The following GASK1A variants were observed in gnomAD, a reference collection of about 807,000 sequenced individuals.
The protein encoded by GASK1A is golgi associated kinase 1A, also known as Golgi-associated kinase 1A.
Under a neutral mutation model 41.2 loss-of-function variants are expected in GASK1A, and 40 were observed. The observed-to-expected ratio is 0.97, with a 90% confidence interval of 0.75 to 1.27. The LOEUF (loss-of-function observed/expected upper bound fraction) is 1.27. Ranked by LOEUF, GASK1A falls within the 50% of genes most tolerant of loss-of-function variation. The pLI is 0.00. For synonymous variants in GASK1A, 316 were observed against 307.1 expected, an observed-to-expected ratio of 1.03 and a Z score of -0.30; for missense variants, 678 against 745.1, an observed-to-expected ratio of 0.91 and a Z score of 1.05.
chr3:43,021,851 GA>G (rs2089524047), intron 1 of GASK1A, among the ~76,000 whole-genome samples: 1 of 152,224 alleles, frequency 6.6e-6, no homozygotes, highest in Non-Finnish European at 1.5e-5. Context: ...ACTGTGGGTG[GA>G]TGGGACTGTT....
intron 2 of GASK1A, chr3:43,036,981 T>A: frequency 2.8e-6 from 1 of 350,932 alleles, no homozygotes; most frequent in South Asian, 7.3e-5. Context: ...TTTAAGCCAC[T>A]GAGTTCATGG....
At chr3:43,040,949 C>T (rs1255058895) in intron 2 of GASK1A, among the ~76,000 whole-genome samples, 1 of 149,588 alleles carries the variant, frequency 6.7e-6, no homozygotes, top group Non-Finnish European at 1.5e-5. Flanking sequence ...TGTTCAATTC[C>T]CACCTATGAG....
At chr3:43,027,565 G>C (rs1443841744) in intron 1 of GASK1A, among the ~76,000 whole-genome samples, 1 of 152,112 alleles carries the variant, frequency 6.6e-6, no homozygotes, top group South Asian at 2.1e-4. Flanking sequence ...TAGAGGAAAG[G>C]GAGGGCAAGG....
intron 1 of GASK1A, among the ~76,000 whole-genome samples, chr3:43,021,815 CCT>C (rs2089523868): frequency 1.3e-5 from 2 of 152,326 alleles, no homozygotes; most frequent in East Asian, 1.9e-4. Context: ...TAGCTACCCC[CCT>C]GTTTTCACTG....
At position 43,040,003 on chromosome 3, in the gene GASK1A, A is replaced by T. The variant is rs111987297; in HGVS notation, c.1290+6450A>T. 1.3e-3 allele frequency among the ~76,000 whole-genome samples: 196 copies of T among 152,274 alleles called. 1 individual carries two copies. The highest frequency in any genetic ancestry group is 4.5e-3 in the African/African-American group (185 of 41,562). ...TAAGCTTTGTTTATAGTCTTTTTGCAGTGCAGAAAGTTTTAAAAATGTACA... is the reference window on the plus strand; with the variant it reads ...TAAGCTTTGTTTATAGTCTTTTTGCTGTGCAGAAAGTTTTAAAAATGTACA... On this transcript the variant is annotated intron_variant, in intron 2 of 4. Transcript: ENST00000430121.
intron 1 of GASK1A, among the ~76,000 whole-genome samples, chr3:43,026,647 G>A (rs139758669): frequency 9.9e-5 from 15 of 151,940 alleles, no homozygotes; most frequent in Non-Finnish European, 1.8e-4. Flanking sequence ...TAACAGAAAG[G>A]GTGAATAAAT....
intron 1 of GASK1A, among the ~76,000 whole-genome samples, chr3:42,996,745 T>G (rs4146792): frequency 0.018 from 2,746 of 152,270 alleles, 35 homozygotes; most frequent in East Asian, 0.063. Flanking sequence ...GTCAAATAGT[T>G]TGGGAACTGG....
At chr3:43,002,532 C>T (rs609725) in intron 1 of GASK1A, among the ~76,000 whole-genome samples, 149,068 of 152,266 alleles carry the variant, frequency 0.98, 73,066 homozygotes, top group Middle Eastern at 1. Context: ...TCTGCCTTGG[C>T]TTAGAGCTGT....
At chr3:43,049,879 T>C (rs2089680304) in intron 2 of GASK1A, among the ~76,000 whole-genome samples, 1 of 152,084 alleles carries the variant, frequency 6.6e-6, no homozygotes, top group African/African-American at 2.4e-5. Flanking sequence ...TACCAGCAAT[T>C]TAATTTCAAT....
intron 2 of GASK1A, among the ~76,000 whole-genome samples, chr3:43,040,897 G>A (rs925760736): frequency 1.9e-5 from 2 of 106,788 alleles, no homozygotes; most frequent in South Asian, 2.9e-4. Flanking sequence ...ACAACAGTCC[G>A]CAGAGTGTGA....
At chr3:43,025,361 TG>T (rs1331922308) in intron 1 of GASK1A, among the ~76,000 whole-genome samples, 1 of 152,190 alleles carries the variant, frequency 6.6e-6, no homozygotes, top group Non-Finnish European at 1.5e-5. Flanking sequence ...CTTGGGTATC[TG>T]GGTGGACAGT....
chr3:43,010,809 C>G (rs1462366961), intron 1 of GASK1A, among the ~76,000 whole-genome samples: 1 of 152,150 alleles, frequency 6.6e-6, no homozygotes, highest in Non-Finnish European at 1.5e-5. Flanking sequence ...ATTACAATAT[C>G]CCTGATGTTA....
intron 2 of GASK1A, among the ~76,000 whole-genome samples, chr3:43,052,904 G>A (rs2089697965): frequency 1.3e-5 from 2 of 152,210 alleles, no homozygotes; most frequent in South Asian, 4.1e-4. Flanking sequence ...AAGTGAGTGG[G>A]AAGTGTGATT....
At chr3:43,016,943 C>CA in intron 1 of GASK1A, among the ~76,000 whole-genome samples, 1 of 147,494 alleles carries the variant, frequency 6.8e-6, no homozygotes, top group East Asian at 2.0e-4. Flanking sequence ...TGTGTGAAGT[C>CA]CCAGAAAGGG....
intron 1 of GASK1A, among the ~76,000 whole-genome samples, chr3:43,011,430 G>A (rs1346861076): frequency 6.6e-6 from 1 of 151,016 alleles, no homozygotes; most frequent in Non-Finnish European, 1.5e-5. Flanking sequence ...GATTTTTATT[G>A]CAAATAGGAA....
At chr3:43,041,719 G>A (rs617014) in intron 2 of GASK1A, among the ~76,000 whole-genome samples, 143,971 of 152,290 alleles carry the variant, frequency 0.95, 68,537 homozygotes, top group East Asian at 1. Context: ...AACAAATGGG[G>A]TTCTGTCTTT....
At chr3:43,018,828 C>A (rs1057282211) in intron 1 of GASK1A, among the ~76,000 whole-genome samples, 1 of 152,174 alleles carries the variant, frequency 6.6e-6, no homozygotes, top group Admixed American at 6.5e-5. Flanking sequence ...AAGGCCCACC[C>A]CAAGACCCAG....
chr3:43,005,852 A>G (rs1344166567), intron 1 of GASK1A, among the ~76,000 whole-genome samples: 7 of 152,236 alleles, frequency 4.6e-5, no homozygotes, highest in Non-Finnish European at 8.8e-5. Context: ...TGCTTCATTA[A>G]GATGGAAAAG....
At position 43,056,168 on chromosome 3, in the gene GASK1A, TG is replaced by T; in HGVS notation, c.1518-7del. The T allele has an allele frequency of 6.5e-7, 1 of 1,547,210 alleles. No individual in the cohort carries two copies. The highest frequency in any genetic ancestry group is 8.7e-7 in the Non-Finnish European group (1 of 1,143,806). On this transcript the variant is annotated splice_polypyrimidine_tract_variant and splice_region_variant and intron_variant, in intron 4 of 4. Coordinates refer to ENST00000430121, the MANE Select transcript of GASK1A (RefSeq NM_001129908.3). ...TTCTGTTACGGGGCTCTGGGGCCTT[TG>T]CTCCAGGTTTCCTGAGTCTGCCGTG...
Sources: allele counts gnomAD v4.1 joint callset (sites outside exome capture counted in the v4.1 genomes callset), GRCh38; gene constraint gnomAD v4.1.1; transcripts MANE v1.5; gene names NCBI Gene and HGNC (gene_info 2026-07-23, HGNC 2026-07-21).